SGCZ: variants seen among roughly 807,000 people sequenced by gnomAD.
SGCZ encodes sarcoglycan zeta, also known as zeta-sarcoglycan.
Under a neutral mutation model 41.3 loss-of-function variants are expected in SGCZ, and 40 were observed. The ratio of observed to expected loss-of-function variants is 0.97; its 90% CI spans 0.75 to 1.26. The LOEUF is 1.26. Among genes scored for constraint, SGCZ ranks in the 50% most tolerant of loss-of-function variants. The pLI, the probability that SGCZ is intolerant of heterozygous loss-of-function variation, is 0.00. For synonymous variants in SGCZ, 206 were observed against 137.5 expected (o/e 1.50, Z -3.49); for missense variants, 552 against 369.8 (o/e 1.49, Z -4.04).
At chr8:14,145,529 A>G (rs1803494814) in intron 5 of SGCZ, among the ~76,000 whole-genome samples, 1 of 152,190 alleles carries the variant, frequency 6.6e-6, no homozygotes, top group Admixed American at 6.5e-5. Context: ...ATGCCCAGAC[A>G]CCAAAGAACA....
intron 3 of SGCZ, among the ~76,000 whole-genome samples, chr8:14,292,923 G>C (rs1800889385): frequency 6.6e-6 from 1 of 151,926 alleles, no homozygotes; most frequent in South Asian, 2.1e-4. Flanking sequence ...CAAAGCACAT[G>C]TTTAGTAGAG....
chr8:15,170,340 G>A (rs1176023761), intron 1 of SGCZ, among the ~76,000 whole-genome samples: 1 of 152,080 alleles, frequency 6.6e-6, no homozygotes, highest in Non-Finnish European at 1.5e-5. Flanking sequence ...AAACCTCACT[G>A]AGCACTTCCT....
At chr8:14,126,579 T>C (rs1802868313) in intron 5 of SGCZ, among the ~76,000 whole-genome samples, 1 of 152,216 alleles carries the variant, frequency 6.6e-6, no homozygotes, top group Non-Finnish European at 1.5e-5. Context: ...CAGTGTAGCA[T>C]TTCCTCAAGA....
At chr8:15,229,546 A>G (rs1323500285) in intron 1 of SGCZ, among the ~76,000 whole-genome samples, 1 of 152,224 alleles carries the variant, frequency 6.6e-6, no homozygotes, top group Non-Finnish European at 1.5e-5. Flanking sequence ...AACTAATTCT[A>G]GTAGTAAGAA....
intron 4 of SGCZ, among the ~76,000 whole-genome samples, chr8:14,213,742 T>C (rs1026574813): frequency 3.3e-5 from 5 of 152,052 alleles, no homozygotes; most frequent in Non-Finnish European, 7.4e-5. Flanking sequence ...ATGAATAAAA[T>C]ACTTAAGACT....
intron 1 of SGCZ, among the ~76,000 whole-genome samples, chr8:15,184,904 C>G (rs1241374245): frequency 6.6e-6 from 1 of 152,106 alleles, no homozygotes; most frequent in East Asian, 1.9e-4. Flanking sequence ...CACCAAAATT[C>G]TAGATACACA....
intron 2 of SGCZ, among the ~76,000 whole-genome samples, chr8:14,485,359 C>T (rs993718699): frequency 1.3e-5 from 2 of 152,192 alleles, no homozygotes; most frequent in Admixed American, 6.5e-5. Flanking sequence ...GCCTCAGCCT[C>T]CCGAGTAGCT....
chr8:14,525,258 T>G (rs999622698), intron 2 of SGCZ, among the ~76,000 whole-genome samples: 10 of 152,094 alleles, frequency 6.6e-5, no homozygotes, highest in Non-Finnish European at 1.0e-4. Context: ...TTTAGCCAGG[T>G]GAAACCTGGA....
chr8:14,620,593 G>A (rs1806252238), intron 1 of SGCZ, among the ~76,000 whole-genome samples: 1 of 151,944 alleles, frequency 6.6e-6, no homozygotes, highest in Non-Finnish European at 1.5e-5. Context: ...AAATTTATGA[G>A]AAAAAACAAA....
At chr8:14,758,202 T>G (rs1230392040) in intron 1 of SGCZ, among the ~76,000 whole-genome samples, 1 of 152,224 alleles carries the variant, frequency 6.6e-6, no homozygotes, top group Non-Finnish European at 1.5e-5. Flanking sequence ...CTCATCTGCC[T>G]GGTTTACAAA....
intron 1 of SGCZ, among the ~76,000 whole-genome samples, chr8:14,809,159 A>C (rs1249288519): frequency 6.6e-6 from 1 of 152,176 alleles, no homozygotes; most frequent in Non-Finnish European, 1.5e-5. Flanking sequence ...GTAGCACACC[A>C]GCGTGGCACA....
chr8:14,402,232 G>T lies in SGCZ; in HGVS notation c.235-78028C>A, dbSNP rs904437393. On this transcript the variant is annotated intron_variant, in intron 2 of 7. Transcript: ENST00000382080. ...GGTTGCGAAAATTTTCTCCCATTTT[G>T]TAGGTTGCCTGTTCACTCTGATGGT... Among the ~76,000 whole-genome samples, 26 of 151,640 alleles carry T rather than the reference G, an allele frequency of 1.7e-4. No homozygotes were observed. In the East Asian group the frequency reaches 3.7e-3, roughly 21 times the overall value.
intron 1 of SGCZ, among the ~76,000 whole-genome samples, chr8:14,914,983 G>C (rs1343102679): frequency 6.6e-6 from 1 of 152,044 alleles, no homozygotes; most frequent in Non-Finnish European, 1.5e-5. Context: ...GGCATCATTT[G>C]GCAATGAGCA....
intron 1 of SGCZ, among the ~76,000 whole-genome samples, chr8:15,185,953 G>A (rs909152519): frequency 2.6e-5 from 4 of 151,192 alleles, no homozygotes; most frequent in East Asian, 3.9e-4. Context: ...GGCTGGGCGC[G>A]GTGGCTCACG....
intron 1 of SGCZ, among the ~76,000 whole-genome samples, chr8:14,558,505 G>T (rs1484752613): frequency 3.3e-5 from 5 of 150,794 alleles, no homozygotes; most frequent in Non-Finnish European, 7.4e-5. Context: ...AACCCGGAAG[G>T]CAGAGGTTGC....
chr8:14,392,971 A>T lies in SGCZ; in HGVS notation c.235-68767T>A, dbSNP rs143824871. Among the ~76,000 whole-genome samples the T allele has an allele frequency of 3.3e-5, 5 of 152,254 alleles. No individual in the cohort carries two copies. In the East Asian group the frequency reaches 9.6e-4, roughly 29 times the overall value. ...TTTTATTACACTTTGTACTTAATTA[A>T]TTTTTATAATTTTCAGGAGATAGAA... On this transcript the variant is annotated intron_variant, in intron 2 of 7. Transcript: ENST00000382080.
At chr8:14,733,835 A>T (rs1200339747) in intron 1 of SGCZ, among the ~76,000 whole-genome samples, 3 of 152,160 alleles carry the variant, frequency 2.0e-5, no homozygotes, top group Non-Finnish European at 4.4e-5. Context: ...AATAAATCCT[A>T]AGCAATTTTA....
At chr8:14,315,479 A>G (rs537689968) in intron 3 of SGCZ, among the ~76,000 whole-genome samples, 2 of 152,202 alleles carry the variant, frequency 1.3e-5, no homozygotes, top group East Asian at 3.9e-4. Context: ...GTGTGATGCA[A>G]GGGGATAAGG....
intron 2 of SGCZ, among the ~76,000 whole-genome samples, chr8:14,356,613 A>G (rs1201986728): frequency 6.6e-6 from 1 of 152,094 alleles, no homozygotes; most frequent in Non-Finnish European, 1.5e-5. Context: ...CCAATATAAT[A>G]GAAATAATAT....
Sources: gnomAD v4.1 joint callset for allele counts (sites outside exome capture counted in the v4.1 genomes callset) on GRCh38, gnomAD v4.1.1 for gene constraint, MANE v1.5 for transcripts, NCBI Gene and HGNC (gene_info 2026-07-23, HGNC 2026-07-21) for gene names.